The following EYS variants were observed in gnomAD, a reference collection of about 807,000 sequenced individuals.
EYS encodes the protein EGF-like photoreceptor maintenance factor.
EYS carries 250 observed loss-of-function variants against 282.1 expected under a neutral mutation model. The ratio of observed to expected loss-of-function variants is 0.89; its 90% CI spans 0.80 to 0.98. The LOEUF is 0.98. Ranked by LOEUF, EYS falls within the 50% of genes least tolerant of loss-of-function variation. The pLI is 0.00. For synonymous variants in EYS, 1,355 were observed against 1,282.9 expected (o/e 1.06, Z -1.20); for missense variants, 4,016 against 3,709.0 (o/e 1.08, Z -2.15).
chr6:64,097,609 G>A (rs1772674371), intron 31 of EYS, among the ~76,000 whole-genome samples: 1 of 152,282 alleles, frequency 6.6e-6, no homozygotes, highest in African/African-American at 2.4e-5. Context: ...GAAAAGCCCA[G>A]TATTAGGGTG....
chr6:64,321,180 C>A (rs2150384370), intron 29 of EYS, among the ~76,000 whole-genome samples: 1 of 151,762 alleles, frequency 6.6e-6, no homozygotes, highest in South Asian at 2.1e-4. Context: ...ATAAATCCCT[C>A]TTTTTGTTAT....
At chr6:65,088,084 C>T (rs1774438862) in intron 12 of EYS, among the ~76,000 whole-genome samples, 1 of 152,094 alleles carries the variant, frequency 6.6e-6, no homozygotes, top group Non-Finnish European at 1.5e-5. Flanking sequence ...TAGTGAGTTT[C>T]CTGAGGTCTC....
intron 12 of EYS, among the ~76,000 whole-genome samples, chr6:65,241,595 T>C (rs921238296): frequency 6.6e-6 from 1 of 152,166 alleles, no homozygotes; most frequent in Non-Finnish European, 1.5e-5. Flanking sequence ...ATTTCTGCTT[T>C]GATAAAACTG....
chr6:64,877,803 C>T (rs1583250430), intron 19 of EYS, among the ~76,000 whole-genome samples: 1 of 152,184 alleles, frequency 6.6e-6, no homozygotes, highest in South Asian at 2.1e-4. Flanking sequence ...TAGTTTAACA[C>T]TTTTTACACA....
intron 26 of EYS, among the ~76,000 whole-genome samples, chr6:64,541,249 A>C (rs1764688481): frequency 6.6e-6 from 1 of 152,184 alleles, no homozygotes; most frequent in Non-Finnish European, 1.5e-5. Flanking sequence ...TTATCTTTAT[A>C]GTTTTCATGG....
chr6:64,885,244 T>G (rs1767051673), intron 19 of EYS, among the ~76,000 whole-genome samples: 1 of 151,676 alleles, frequency 6.6e-6, no homozygotes, highest in Admixed American at 6.6e-5. Flanking sequence ...TATTAAAACA[T>G]CTTAAATCAT....
intron 12 of EYS, among the ~76,000 whole-genome samples, chr6:65,122,933 A>G (rs1775605800): frequency 6.6e-6 from 1 of 152,140 alleles, no homozygotes; most frequent in Non-Finnish European, 1.5e-5. Context: ...TAATATTTGA[A>G]CATAGATATT....
intron 19 of EYS, among the ~76,000 whole-genome samples, chr6:64,829,342 T>A (rs1348128372): frequency 6.6e-6 from 1 of 151,972 alleles, no homozygotes; most frequent in Non-Finnish European, 1.5e-5. Context: ...ATGGACCCAA[T>A]GTATGGGCTC....
intron 2 of EYS, among the ~76,000 whole-genome samples, chr6:65,509,928 C>T (rs60010253): frequency 0.11 from 16,897 of 152,020 alleles, 1,023 homozygotes; most frequent in South Asian, 0.18. Context: ...ATTACTATTG[C>T]CTCACTTCTC....
intron 13 of EYS, among the ~76,000 whole-genome samples, chr6:65,040,650 G>A (rs1275786929): frequency 6.6e-6 from 1 of 151,614 alleles, no homozygotes; most frequent in Non-Finnish European, 1.5e-5. Flanking sequence ...CTCCAGTCCT[G>A]ACAACCATAA....
Position 64,439,243 on chromosome 6 carries a change from T to C in EYS, c.5754A>G (p.Gly1918=). 6.6e-7 allele frequency: 1 copy of C among 1,513,792 alleles called. No individual in the cohort carries two copies. The highest frequency in any genetic ancestry group is 8.8e-7 in the Non-Finnish European group (1 of 1,131,236). 93.8% of individuals were successfully genotyped at this position (1,513,792 alleles called of 1,614,324 possible). ...AGTCTTGCTTGACATACAGCAGAAG[T>C]CCATAGGAGCTGAAGGTCTGAAATT... ...SLEFQTFSSY[G]LLLYVKQDSN... Residue 1918 remains glycine, a synonymous_variant, in exon 27 of 43, where the codon GGA becomes GGG. Transcript: ENST00000503581.
At chr6:65,614,003 A>G (rs1242179339) in intron 2 of EYS, among the ~76,000 whole-genome samples, 1 of 152,032 alleles carries the variant, frequency 6.6e-6, no homozygotes, top group African/African-American at 2.4e-5. Flanking sequence ...TTTAGTTACT[A>G]CAGGCAACAT....
chr6:63,856,964 CTT>C (rs892198980), intron 36 of EYS, among the ~76,000 whole-genome samples: 4 of 152,108 alleles, frequency 2.6e-5, no homozygotes, highest in Non-Finnish European at 4.4e-5. Context: ...AATCTTGACA[CTT>C]ATATCACGAT....
chr6:64,667,747 T>C (rs1277019613), intron 22 of EYS, among the ~76,000 whole-genome samples: 3 of 152,112 alleles, frequency 2.0e-5, no homozygotes, highest in Non-Finnish European at 2.9e-5. Context: ...TTTAATATTA[T>C]TGAAAATACA....
chr6:64,766,191 G>A (rs1773327493), intron 22 of EYS, among the ~76,000 whole-genome samples: 1 of 151,088 alleles, frequency 6.6e-6, no homozygotes, highest in Non-Finnish European at 1.5e-5. Context: ...GCCTCCCAAA[G>A]TGCTGAGATT....
Position 65,296,035 on chromosome 6 carries a change from A to G in EYS, c.1851T>C (p.His617=). 1.9e-6 allele frequency: 3 copies of G among 1,551,158 alleles called. No homozygotes were observed. The highest frequency in any genetic ancestry group is 2.6e-6 in the Non-Finnish European group (3 of 1,146,526). ...TGTGCGAAAGGGCCAGGCAGAGGCC[A>G]TGCACTGATATACTGTGGTTCCCTA... is the stretch of plus-strand genomic sequence containing the variant. ...YCLGNHSISV[H]GLCLALSHNC... The change falls in exon 12 of 43, where the codon CAT becomes CAC. Residue 617 remains histidine, a synonymous_variant. Coordinates refer to ENST00000503581, the MANE Select transcript of EYS (RefSeq NM_001142800.2).
intron 36 of EYS, among the ~76,000 whole-genome samples, chr6:63,807,810 C>T (rs1770944081): frequency 6.6e-6 from 1 of 152,086 alleles, no homozygotes; most frequent in African/African-American, 2.4e-5. Flanking sequence ...ATAACACTCT[C>T]AGGTATATCA....
chr6:65,442,107 C>A (rs930505541), intron 5 of EYS, among the ~76,000 whole-genome samples: 2 of 151,940 alleles, frequency 1.3e-5, no homozygotes, highest in African/African-American at 4.8e-5. Context: ...TGCTTTTAGA[C>A]CATTGAATTA....
intron 35 of EYS, among the ~76,000 whole-genome samples, chr6:63,950,207 CAA>C (rs919184181): frequency 6.7e-6 from 1 of 148,584 alleles, no homozygotes; most frequent in Non-Finnish European, 1.5e-5. Flanking sequence ...AAAAAAAAAA[CAA>C]AAAAAACAAA....
Sources: allele counts gnomAD v4.1 joint callset (sites outside exome capture counted in the v4.1 genomes callset), GRCh38; gene constraint gnomAD v4.1.1; transcripts MANE v1.5; gene names NCBI Gene and HGNC (gene_info 2026-07-23, HGNC 2026-07-21).